The following EPHB1 variants were observed in gnomAD, a reference collection of about 807,000 sequenced individuals.
EPHB1 encodes EPH receptor B1, also known as ephrin type-B receptor 1.
Under a neutral mutation model 94.4 loss-of-function variants are expected in EPHB1, and 30 were observed. The observed-to-expected ratio is 0.32, with a 90% CI of 0.24 to 0.43. The LOEUF is 0.43. EPHB1 is among the 20% of genes least tolerant of loss of function. EPHB1 has a pLI of 1.00. For missense variants in EPHB1, 1,055 were observed against 1,308.3 expected (o/e 0.81, Z 2.99); for synonymous variants, 522 against 489.1 (o/e 1.07, Z -0.89).
chr3:134,915,337 A>T (rs141916158), intron 1 of EPHB1, among the ~76,000 whole-genome samples: 1 of 152,324 alleles, frequency 6.6e-6, no homozygotes, highest in Non-Finnish European at 1.5e-5. Flanking sequence ...TAGTCATGCC[A>T]CATAAAGGCA....
chr3:134,830,219 T>C (rs540941959), intron 1 of EPHB1, among the ~76,000 whole-genome samples: 1 of 152,342 alleles, frequency 6.6e-6, no homozygotes, highest in Non-Finnish European at 1.5e-5. Context: ...TGCAGACATA[T>C]GCCCATTTAC....
At chr3:134,885,813 G>T (rs2037851582) in intron 1 of EPHB1, among the ~76,000 whole-genome samples, 1 of 152,156 alleles carries the variant, frequency 6.6e-6, no homozygotes, top group Non-Finnish European at 1.5e-5. Context: ...TTCAAGGAAG[G>T]CTATGCCCTC....
intron 3 of EPHB1, among the ~76,000 whole-genome samples, chr3:134,983,757 C>A (rs1383285484): frequency 6.6e-6 from 1 of 152,238 alleles, no homozygotes; most frequent in African/African-American, 2.4e-5. Context: ...GAAGGATCTG[C>A]AGAAGGCATC....
intron 4 of EPHB1, among the ~76,000 whole-genome samples, chr3:135,122,898 C>A (rs1940032413): frequency 6.6e-6 from 1 of 152,206 alleles, no homozygotes; most frequent in African/African-American, 2.4e-5. Context: ...GGAGAATTGC[C>A]TGAGTACAGG....
At chr3:134,901,251 GT>G (rs1465832477) in intron 1 of EPHB1, among the ~76,000 whole-genome samples, 1 of 152,062 alleles carries the variant, frequency 6.6e-6, no homozygotes, top group Non-Finnish European at 1.5e-5. Context: ...TCTCATAAAA[GT>G]TTTACAGTTG....
intron 3 of EPHB1, among the ~76,000 whole-genome samples, chr3:135,037,338 A>C (rs1936679146): frequency 6.6e-6 from 1 of 152,210 alleles, no homozygotes; most frequent in African/African-American, 2.4e-5. Flanking sequence ...CTTGGCCTTG[A>C]AAACTGGAGG....
At chr3:134,822,930 T>G (rs1396707958) in intron 1 of EPHB1, among the ~76,000 whole-genome samples, 1 of 152,092 alleles carries the variant, frequency 6.6e-6, no homozygotes, top group Non-Finnish European at 1.5e-5. Context: ...CAACCTTGCC[T>G]CAGATCTGGT....
chr3:135,151,940 T>C (rs1941207223), intron 5 of EPHB1, among the ~76,000 whole-genome samples: 1 of 152,212 alleles, frequency 6.6e-6, no homozygotes, highest in African/African-American at 2.4e-5. Context: ...AGCAGGGACA[T>C]GTTTTTGATC....
At chr3:135,070,414 GT>G (rs1937665208) in intron 3 of EPHB1, among the ~76,000 whole-genome samples, 1 of 152,164 alleles carries the variant, frequency 6.6e-6, no homozygotes, top group East Asian at 1.9e-4. Context: ...GCTTGATCAT[GT>G]CAGAGGTAGA....
intron 2 of EPHB1, among the ~76,000 whole-genome samples, chr3:134,937,230 C>T (rs537651098): frequency 1.3e-5 from 2 of 152,320 alleles, no homozygotes; most frequent in East Asian, 3.9e-4. Flanking sequence ...TGCAGGGCTT[C>T]CTAGGACCAA....
intron 1 of EPHB1, among the ~76,000 whole-genome samples, chr3:134,811,081 C>T (rs2036164771): frequency 6.6e-6 from 1 of 151,992 alleles, no homozygotes; most frequent in African/African-American, 2.4e-5. Context: ...GACATGCCCA[C>T]AACACCCTCT....
At chr3:135,051,207 T>G (rs1163178516) in intron 3 of EPHB1, among the ~76,000 whole-genome samples, 8 of 151,976 alleles carry the variant, frequency 5.3e-5, no homozygotes, top group African/African-American at 1.9e-4. Context: ...TATCTAAGAG[T>G]CCTTCTATCC....
chr3:135,005,947 C>T (rs1037208619), intron 3 of EPHB1, among the ~76,000 whole-genome samples: 6 of 152,216 alleles, frequency 3.9e-5, no homozygotes, highest in African/African-American at 1.4e-4. Flanking sequence ...GAGCTGTAGA[C>T]CGGAGCTGTT....
At position 134,874,365 on chromosome 3, in the gene EPHB1, G is replaced by C. The variant is rs574843198; in HGVS notation, c.59-51451G>C. On this transcript the variant is annotated intron_variant, in intron 1 of 15. Coordinates refer to ENST00000398015, the MANE Select transcript of EPHB1 (RefSeq NM_004441.5). ...GTAAAACAAACACCGGGGCCTATTG[G>C]GGGGTGGAGGGTGAGGGGAGAGAAC... is the stretch of plus-strand genomic sequence containing the variant. Among the ~76,000 whole-genome samples the C allele has an allele frequency of 5.9e-5, 9 of 152,200 alleles. No homozygotes were observed. The South Asian group carries it at 1.5e-3, about 25-fold the overall frequency.
At chr3:135,251,920 A>G (rs188709265) in intron 15 of EPHB1, among the ~76,000 whole-genome samples, 29 of 152,308 alleles carry the variant, frequency 1.9e-4, no homozygotes, top group Admixed American at 1.8e-3. Flanking sequence ...CTGAGAACCA[A>G]CTTCTCTTGT....
intron 1 of EPHB1, among the ~76,000 whole-genome samples, chr3:134,807,534 T>C (rs1185538262): frequency 3.7e-5 from 1 of 27,206 alleles, no homozygotes; most frequent in Non-Finnish European, 6.5e-5. Flanking sequence ...TGCACGTGTG[T>C]GTGTGTGAGA....
chr3:135,071,527 C>T (rs1227174619), intron 3 of EPHB1, among the ~76,000 whole-genome samples: 1 of 152,152 alleles, frequency 6.6e-6, no homozygotes. Context: ...AGATAAAGTG[C>T]TGGACTAGGA....
chr3:135,114,201 T>C (rs968058586), intron 4 of EPHB1, among the ~76,000 whole-genome samples: 4 of 152,184 alleles, frequency 2.6e-5, no homozygotes, highest in Non-Finnish European at 5.9e-5. Flanking sequence ...TTTTAAATAC[T>C]GATTTTTATC....
intron 3 of EPHB1, among the ~76,000 whole-genome samples, chr3:134,982,490 G>A (rs542311773): frequency 1.4e-4 from 21 of 152,246 alleles, no homozygotes; most frequent in African/African-American, 5.1e-4. Context: ...CTGAGGAAAG[G>A]TGTTCTGCAA....
Sources: allele counts gnomAD v4.1 joint callset (sites outside exome capture counted in the v4.1 genomes callset), GRCh38; gene constraint gnomAD v4.1.1; transcripts MANE v1.5; gene names NCBI Gene and HGNC (gene_info 2026-07-23, HGNC 2026-07-21).